Variants in CYP4F2 observed in about 807,000 individuals in gnomAD.
The protein encoded by CYP4F2 is cytochrome P450 4F2.
Under a neutral mutation model 58.9 loss-of-function variants are expected in CYP4F2, and 58 were observed. The ratio of observed to expected loss-of-function variants is 0.98; its 90% CI spans 0.80 to 1.23. The LOEUF (loss-of-function observed/expected upper bound fraction) is 1.23, where lower values mean the gene tolerates loss of function less well. Ranked by LOEUF, CYP4F2 falls within the 50% of genes most tolerant of loss-of-function variation. The pLI, the probability that CYP4F2 is intolerant of heterozygous loss-of-function variation, is 0.00. For missense variants in CYP4F2, 616 were observed against 685.6 expected (o/e 0.90, Z 1.13); for synonymous variants, 287 against 261.1 (o/e 1.10, Z -0.95).
At position 15,895,492 on chromosome 19, in the gene CYP4F2, G is replaced by C. The variant is rs369552319; in HGVS notation, c.343+14C>G. On this transcript the variant is annotated intron_variant, in intron 3 of 12. Transcript: ENST00000221700. ...CCTCAAATGCACTGCCCCACCAGCT[G>C]TTCCAGATGGTACCTGAGGCGTTGA... The C allele has an allele frequency of 1.8e-4, 270 of 1,494,574 alleles. No individual in the cohort carries two copies. Among genetic ancestry groups the C allele is most frequent in the Non-Finnish European group, 2.3e-4 (258 of 1,130,210 alleles). 92.6% of individuals were successfully genotyped at this position (1,494,574 alleles called of 1,614,324 possible).
chr19:15,885,198 C>T (rs3093169), intron 9 of CYP4F2, among the ~76,000 whole-genome samples: 19,593 of 151,780 alleles, frequency 0.13, 1,493 homozygotes, highest in Non-Finnish European at 0.17. Flanking sequence ...CACTGCCCCC[C>T]AACTGTACCC....
intron 9 of CYP4F2, among the ~76,000 whole-genome samples, chr19:15,880,278 G>A (rs2089335741): frequency 6.6e-6 from 1 of 151,856 alleles, no homozygotes; most frequent in Non-Finnish European, 1.5e-5. Flanking sequence ...GGATAGTAAT[G>A]AAAAGTACCC....
At chr19:15,886,202 G>C (rs778919238) in intron 8 of CYP4F2, 40 bp downstream of exon 8, 1 of 1,613,314 alleles carries the variant, frequency 6.2e-7, no homozygotes, top group African/African-American at 1.3e-5. Context: ...GGAAGGGAGA[G>C]ATCCCGGTCC....
At chr19:15,879,963 T>C (rs745947050) in intron 9 of CYP4F2, 66 bp from the exon 10 acceptor site, 31 of 1,587,398 alleles carry the variant, frequency 2.0e-5, no homozygotes, top group Middle Eastern at 1.7e-4. Context: ...AGCTTCTCTC[T>C]GTTTGCAAGT....
chr19:15,889,238 C>T (rs2145008669), intron 7 of CYP4F2, among the ~76,000 whole-genome samples, 185 bp downstream of exon 7: 1 of 152,310 alleles, frequency 6.6e-6, no homozygotes, highest in Non-Finnish European at 1.5e-5. Flanking sequence ...AGTTTCAAGC[C>T]TAGCAGCTCC....
In CYP4F2 at chr19:15,890,447, G is replaced by A. The variant is rs746530459; in HGVS notation, c.526-14C>T. 2 of 1,613,766 alleles carry A rather than the reference G, an allele frequency of 1.2e-6. No homozygotes were observed. Among genetic ancestry groups the A allele is most frequent in the East Asian group, 4.5e-5 (2 of 44,804 alleles). On this transcript the variant is annotated splice_polypyrimidine_tract_variant and intron_variant, in intron 5 of 12. Coordinates refer to ENST00000221700, the MANE Select transcript of CYP4F2 (RefSeq NM_001082.5). ...CTGCCACTTGGCCTAGCCAGAGAAG[G>A]GGACAGAGCTGGGGCAGGCTCCTTG...
Position 15,879,700 on chromosome 19 carries a change from G to T in CYP4F2, c.1250-32C>A, listed in dbSNP as rs3093196. On this transcript the variant is annotated intron_variant, in intron 10 of 12. Transcript: ENST00000221700. ...GAGAGAAGGGAGCAGTCAGGAGAAG[G>T]CCTCCTTCACTGAGGGGCCCCTCTT... 3,260 of 1,614,002 alleles carry T rather than the reference G, an allele frequency of 2.0e-3. 60 individuals are homozygous for T. The African/African-American group carries it at 0.038, about 19-fold the overall frequency.
chr19:15,893,173 C>T (rs1363008840), intron 3 of CYP4F2, among the ~76,000 whole-genome samples: 5 of 152,168 alleles, frequency 3.3e-5, no homozygotes, highest in Non-Finnish European at 7.3e-5. Context: ...CAGACATAGC[C>T]AACATGTGAA....
At position 15,879,477 on chromosome 19, in the gene CYP4F2, C is replaced by T. The variant is rs138991407; in HGVS notation, c.1315-49G>A. On this transcript the variant is annotated intron_variant, in intron 11 of 12. Coordinates refer to ENST00000221700, the MANE Select transcript of CYP4F2 (RefSeq NM_001082.5). ...TGTTGGGTGGGGTCTCCCAGTCCGC[C>T]AGCCTTGGAGAGACAGACAGTTGTG... is the stretch of plus-strand genomic sequence containing the variant. The T allele has an allele frequency of 1.1e-4, 176 of 1,611,956 alleles. 1 individual carries two copies. The African/African-American group carries it at 2.1e-3, about 19-fold the overall frequency.
Position 15,885,908 on chromosome 19 carries a change from A to G in CYP4F2, c.1115+16T>C. The G allele has an allele frequency of 1.2e-6, 2 of 1,609,330 alleles. No homozygotes were observed. The highest frequency in any genetic ancestry group is 2.2e-5 in the South Asian group (2 of 90,674). On this transcript the variant is annotated intron_variant, in intron 9 of 12. Transcript: ENST00000221700. ...TGAGAAGGTCTCAGGAAGAGGCCAC[A>G]AGCACCTGCACTCACCATTCAATCT...
intron 9 of CYP4F2, among the ~76,000 whole-genome samples, chr19:15,881,860 G>A (rs1024714001): frequency 1.3e-5 from 2 of 151,846 alleles, no homozygotes; most frequent in Non-Finnish European, 2.9e-5. Flanking sequence ...GAACCTGGAG[G>A]AACTTATGCT....
At chr19:15,880,623 C>CAA (rs111228770) in intron 9 of CYP4F2, among the ~76,000 whole-genome samples, 1 of 139,982 alleles carries the variant, frequency 7.1e-6, no homozygotes, top group Non-Finnish European at 1.6e-5. Context: ...GACTGCATCT[C>CAA]AAAAAAAAAA....
chr19:15,888,448 G>A (rs893730058), intron 7 of CYP4F2, among the ~76,000 whole-genome samples: 13 of 144,450 alleles, frequency 9.0e-5, no homozygotes, highest in East Asian at 2.1e-4. Flanking sequence ...AGATACAGAC[G>A]CACACACATA....
chr19:15,891,088 G>A (rs1480574140), intron 5 of CYP4F2, among the ~76,000 whole-genome samples: 1 of 152,146 alleles, frequency 6.6e-6, no homozygotes, highest in Non-Finnish European at 1.5e-5. Flanking sequence ...TTCTGGGCAT[G>A]TCATGAATGC....
In CYP4F2 at chr19:15,897,535, C is replaced by T. The variant is rs777597441; in HGVS notation, c.77G>A (p.Gly26Glu). ...GACATGGGCCAGGAGCCAGGAGGCC[C>T]CGACCAGCAGGAGGAGCAGCCAAGG... ...ASPWLLLLLV[G>E]ASWLLAHVLA... Residue 26 changes from glycine (G) to glutamate (E), a missense_variant, in exon 2 of 13, where the codon GGG becomes GAG. Coordinates refer to ENST00000221700, the MANE Select transcript of CYP4F2 (RefSeq NM_001082.5). 3.7e-6 allele frequency: 6 copies of T among 1,614,004 alleles called. No homozygotes were observed. In the Admixed American group the frequency reaches 6.7e-5, roughly 18 times the overall value.
At chr19:15,881,863 C>T (rs1177775335) in intron 9 of CYP4F2, among the ~76,000 whole-genome samples, 1 of 151,602 alleles carries the variant, frequency 6.6e-6, no homozygotes, top group Non-Finnish European at 1.5e-5. Flanking sequence ...CCTGGAGGAA[C>T]TTATGCTAAG....
chr19:15,896,069 TATCCATCC>T (rs746020026), intron 2 of CYP4F2, among the ~76,000 whole-genome samples: 19 of 142,396 alleles, frequency 1.3e-4, no homozygotes, highest in South Asian at 4.6e-4. Flanking sequence ...TCTATCTATC[TATCCATCC>T]ATCCATCCAT....
In CYP4F2 at chr19:15,892,393, G is replaced by A. The variant is rs367909140; in HGVS notation, c.441C>T (p.His147=). 33 of 1,614,192 alleles carry A rather than the reference G, an allele frequency of 2.0e-5. No homozygotes were observed. Among genetic ancestry groups the A allele is most frequent in the Non-Finnish European group, 2.7e-5 (32 of 1,180,040 alleles). The change falls in exon 5 of 13, where the codon CAC becomes CAT. Residue 147 remains histidine, a synonymous_variant. Coordinates refer to ENST00000221700, the MANE Select transcript of CYP4F2 (RefSeq NM_001082.5). Reference sequence around the variant, plus strand: ...GGAAGGCAGGCGTCAGCATCCGACGGTGGCGGCTCCACTTGTCACCAGCAC... The same window carrying A: ...GGAAGGCAGGCGTCAGCATCCGACGATGGCGGCTCCACTTGTCACCAGCAC... ...LLSAGDKWSR[H]RRMLTPAFHF...
At chr19:15,893,120 T>A (rs1209415784) in intron 3 of CYP4F2, among the ~76,000 whole-genome samples, 1 of 152,192 alleles carries the variant, frequency 6.6e-6, no homozygotes, top group Non-Finnish European at 1.5e-5. Context: ...GTGTTCCACA[T>A]ACAGGCTCTG....
Sources: allele counts gnomAD v4.1 joint callset (sites outside exome capture counted in the v4.1 genomes callset), GRCh38; gene constraint gnomAD v4.1.1; transcripts MANE v1.5; gene names NCBI Gene and HGNC (gene_info 2026-07-23, HGNC 2026-07-21).